The following ADGRB3 variants were observed in gnomAD, a reference collection of about 807,000 sequenced individuals.
ADGRB3 encodes the protein adhesion G protein-coupled receptor B3.
In ADGRB3, 37 loss-of-function variants were observed where a neutral mutation model predicts 193.4. That is an observed-to-expected ratio of 0.19 (90% CI 0.15 to 0.25). The LOEUF is 0.25. ADGRB3 is among the 10% of genes least tolerant of loss of function. The probability of loss-of-function intolerance (pLI) is 1.00; values close to 1 mark genes in which losing one functional copy is unlikely to be tolerated. For synonymous variants in ADGRB3, 690 were observed against 644.2 expected, an observed-to-expected ratio of 1.07 and a Z score of -1.08; for missense variants, 1,637 against 1,852.9, an observed-to-expected ratio of 0.88 and a Z score of 2.14.
At chr6:68,820,733 A>G (rs188006765) in intron 3 of ADGRB3, among the ~76,000 whole-genome samples, 162 of 152,112 alleles carry the variant, frequency 1.1e-3, no homozygotes, top group African/African-American at 3.6e-3. Flanking sequence ...ACAAATGAGT[A>G]AGAGTATGCA....
chr6:69,289,587 C>T (rs1561978034), intron 20 of ADGRB3, among the ~76,000 whole-genome samples: 1 of 152,168 alleles, frequency 6.6e-6, no homozygotes, highest in African/African-American at 2.4e-5. Flanking sequence ...CTCATCCACA[C>T]CTGCATGCCC....
chr6:69,258,588 G>A (rs1215411464), intron 20 of ADGRB3, among the ~76,000 whole-genome samples: 2 of 152,212 alleles, frequency 1.3e-5, no homozygotes, highest in African/African-American at 4.8e-5. Context: ...TGACAAAATG[G>A]TGTATAGTCC....
intron 26 of ADGRB3, among the ~76,000 whole-genome samples, chr6:69,350,850 C>G (rs890013257): frequency 6.6e-6 from 1 of 151,868 alleles, no homozygotes; most frequent in Non-Finnish European, 1.5e-5. Flanking sequence ...TATTCTTCAT[C>G]AGCACAATTC....
intron 20 of ADGRB3, among the ~76,000 whole-genome samples, chr6:69,293,840 G>C (rs1216125571): frequency 6.6e-6 from 1 of 152,056 alleles, no homozygotes; most frequent in Non-Finnish European, 1.5e-5. Context: ...GGGGGGATGG[G>C]ATCTGGGTGT....
chr6:68,722,261 T>C (rs1472114182), intron 3 of ADGRB3, among the ~76,000 whole-genome samples: 1 of 151,638 alleles, frequency 6.6e-6, no homozygotes, highest in Non-Finnish European at 1.5e-5. Flanking sequence ...CACTCATAAG[T>C]GGGAATTGAA....
intron 3 of ADGRB3, among the ~76,000 whole-genome samples, chr6:68,664,537 A>G (rs934823219): frequency 6.6e-6 from 1 of 151,874 alleles, no homozygotes; most frequent in African/African-American, 2.4e-5. Flanking sequence ...GAACCTGACT[A>G]TGCTGACAAC....
chr6:69,344,537 T>C (rs1396076030), intron 26 of ADGRB3, among the ~76,000 whole-genome samples: 4 of 152,088 alleles, frequency 2.6e-5, no homozygotes, highest in African/African-American at 4.8e-5. Context: ...CCAGTAATAT[T>C]CCAAAGTAAA....
intron 8 of ADGRB3, among the ~76,000 whole-genome samples, chr6:68,967,213 A>G (rs1420482824): frequency 6.6e-6 from 1 of 152,218 alleles, no homozygotes; most frequent in East Asian, 1.9e-4. Flanking sequence ...TGTGGAACAA[A>G]ACAAAAAGTT....
At chr6:69,186,913 T>C (rs567654228) in intron 17 of ADGRB3, among the ~76,000 whole-genome samples, 88 of 151,186 alleles carry the variant, frequency 5.8e-4, no homozygotes, top group African/African-American at 2.1e-3. Context: ...ATCCTCTGTA[T>C]AGTCATAGCA....
Position 69,382,914 on chromosome 6 carries a change from T to C in ADGRB3, c.4359T>C (p.Asp1453=), listed in dbSNP as rs1769982285. The change falls in exon 31 of 32, where the codon GAT becomes GAC. Residue 1453 remains aspartate (D), a synonymous_variant. Transcript: ENST00000370598. ...TTCAAACTTTGGACAGATTTCGGGA[T>C]ATACCAAATACAAGCAGTATGGTAA... ...QKFQTLDRFR[D]IPNTSSMENP... 6 of 1,604,870 alleles carry C rather than the reference T, an allele frequency of 3.7e-6. No homozygotes were observed. In the East Asian group the frequency reaches 1.3e-4, roughly 36 times the overall value.
At chr6:68,945,819 C>T (rs1481226639) in intron 6 of ADGRB3, among the ~76,000 whole-genome samples, 1 of 152,020 alleles carries the variant, frequency 6.6e-6, no homozygotes, top group Non-Finnish European at 1.5e-5. Context: ...GATGTGAAAA[C>T]TTATTTTCTT....
intron 17 of ADGRB3, among the ~76,000 whole-genome samples, chr6:69,086,885 A>G (rs1188644939): frequency 6.6e-6 from 1 of 152,124 alleles, no homozygotes; most frequent in Non-Finnish European, 1.5e-5. Context: ...AGAATGACAT[A>G]GCATTTTTAA....
intron 26 of ADGRB3, among the ~76,000 whole-genome samples, chr6:69,343,138 T>A (rs1769013182): frequency 1.0e-5 from 1 of 98,236 alleles, no homozygotes; most frequent in South Asian, 2.6e-4. Context: ...CCTAATTTAT[T>A]TTATTTTTTT....
intron 17 of ADGRB3, among the ~76,000 whole-genome samples, chr6:69,127,551 G>A (rs371737851): frequency 6.6e-5 from 10 of 152,180 alleles, no homozygotes; most frequent in Middle Eastern, 3.4e-3. Flanking sequence ...TGACTTTTCG[G>A]TGTCTTGCTT....
intron 30 of ADGRB3, among the ~76,000 whole-genome samples, chr6:69,376,127 G>T (rs2149457): frequency 5.2e-3 from 643 of 124,076 alleles, no homozygotes; most frequent in African/African-American, 6.5e-3. Flanking sequence ...GGCTGGCTTT[G>T]TTACTCACAC....
At chr6:68,776,138 T>C (rs1286714292) in intron 3 of ADGRB3, among the ~76,000 whole-genome samples, 1 of 152,104 alleles carries the variant, frequency 6.6e-6, no homozygotes, top group African/African-American at 2.4e-5. Flanking sequence ...TTATCCTACT[T>C]CCCTAATATA....
intron 26 of ADGRB3, among the ~76,000 whole-genome samples, chr6:69,349,334 A>G (rs540618462): frequency 2.5e-4 from 38 of 152,342 alleles, no homozygotes; most frequent in Non-Finnish European, 5.0e-4. Flanking sequence ...AAGAGGTATA[A>G]CAATTTTAGA....
chr6:69,348,466 G>A (rs983781503), intron 26 of ADGRB3, among the ~76,000 whole-genome samples: 2 of 144,824 alleles, frequency 1.4e-5, no homozygotes, highest in African/African-American at 2.6e-5. Flanking sequence ...GGCCAACATG[G>A]TGAAACCCTG....
At chr6:69,132,589 A>T (rs1195186056) in intron 17 of ADGRB3, among the ~76,000 whole-genome samples, 1 of 151,810 alleles carries the variant, frequency 6.6e-6, no homozygotes, top group Admixed American at 6.6e-5. Flanking sequence ...TGTCCACTCT[A>T]ATGATAGTTT....
Sources: allele counts gnomAD v4.1 joint callset (sites outside exome capture counted in the v4.1 genomes callset), GRCh38; gene constraint gnomAD v4.1.1; transcripts MANE v1.5; gene names NCBI Gene and HGNC (gene_info 2026-07-23, HGNC 2026-07-21).